TMEM217B: variants seen among roughly 807,000 people sequenced by gnomAD.
TMEM217B encodes transmembrane protein 217B.
chr6:37,225,805 G>A, the TMEM217B span, among the ~76,000 whole-genome samples: 35 of 152,264 alleles, frequency 2.3e-4, no homozygotes, highest in East Asian at 6.0e-3. Flanking sequence ...CATGACCAAC[G>A]GGATGCAAAT....
At chr6:37,229,631 C>T in the TMEM217B span, among the ~76,000 whole-genome samples, 7 of 152,210 alleles carry the variant, frequency 4.6e-5, no homozygotes, top group East Asian at 7.7e-4. Context: ...CGTGAGCCAC[C>T]GCGCCGGCCA....
chr6:37,254,552 G>T, the TMEM217B span, among the ~76,000 whole-genome samples: 1 of 152,314 alleles, frequency 6.6e-6, no homozygotes, highest in East Asian at 1.9e-4. Context: ...CAAGGATGTA[G>T]AGTCATTGGT....
the TMEM217B span, among the ~76,000 whole-genome samples, chr6:37,247,442 C>T: frequency 2.2e-4 from 32 of 148,058 alleles, no homozygotes; most frequent in Non-Finnish European, 4.2e-4. Flanking sequence ...GGCTGGAGTG[C>T]GGTGACGCGA....
At chr6:37,222,863 C>T in the TMEM217B span, among the ~76,000 whole-genome samples, 2 of 152,330 alleles carry the variant, frequency 1.3e-5, no homozygotes, top group African/African-American at 4.8e-5. Flanking sequence ...ACCCTAGCCG[C>T]GCCTCCCTGC....
chr6:37,245,821 G>C, the TMEM217B span, among the ~76,000 whole-genome samples: 9,479 of 150,278 alleles, frequency 0.063, 995 homozygotes, highest in African/African-American at 0.22. Context: ...TTTTTTGAGA[G>C]GGAGTTTTGC....
At chr6:37,252,579 G>A in the TMEM217B span, among the ~76,000 whole-genome samples, 11 of 92,198 alleles carry the variant, frequency 1.2e-4, no homozygotes, top group Admixed American at 4.9e-4. Context: ...GTGTGTGCAC[G>A]TGTACGTGTA....
the TMEM217B span, among the ~76,000 whole-genome samples, chr6:37,231,209 G>T: frequency 6.8e-6 from 1 of 147,534 alleles, no homozygotes; most frequent in African/African-American, 2.5e-5. Context: ...ACAGGTGCAA[G>T]CCACCATGCC....
the TMEM217B span, among the ~76,000 whole-genome samples, chr6:37,241,633 T>A: frequency 6.6e-6 from 1 of 152,202 alleles, no homozygotes; most frequent in Admixed American, 6.5e-5. Context: ...TTCTGGGTCA[T>A]CCCTGGGAGC....
chr6:37,216,379 C>T, the TMEM217B span, among the ~76,000 whole-genome samples: 4 of 152,014 alleles, frequency 2.6e-5, no homozygotes, highest in South Asian at 2.1e-4. Context: ...GCGCCTGGCC[C>T]GATTTGCATT....
chr6:37,222,333 C>G, the TMEM217B span, among the ~76,000 whole-genome samples: 1 of 152,198 alleles, frequency 6.6e-6, no homozygotes, highest in Non-Finnish European at 1.5e-5. Flanking sequence ...CCCCAGGGCT[C>G]GACCCCAACC....
At chr6:37,256,151 C>T in the TMEM217B span, among the ~76,000 whole-genome samples, 1 of 152,204 alleles carries the variant, frequency 6.6e-6, no homozygotes, top group Non-Finnish European at 1.5e-5. Context: ...TGGAAAGTGG[C>T]AGGTATCTTG....
the TMEM217B span, among the ~76,000 whole-genome samples, chr6:37,251,211 C>T: frequency 3.3e-5 from 5 of 152,166 alleles, no homozygotes; most frequent in African/African-American, 7.2e-5. Flanking sequence ...TCATGTCAGA[C>T]AGGTAATGTG....
At chr6:37,242,524 G>T in the TMEM217B span, among the ~76,000 whole-genome samples, 2 of 152,290 alleles carry the variant, frequency 1.3e-5, no homozygotes, top group South Asian at 4.1e-4. Flanking sequence ...AAAGAGAAAA[G>T]CCTGTCATGC....
At chr6:37,229,335 G>GTTTC in the TMEM217B span, among the ~76,000 whole-genome samples, 2 of 74,368 alleles carry the variant, frequency 2.7e-5, 1 homozygote, top group Non-Finnish European at 4.7e-5. Context: ...GCAACTTTCA[G>GTTTC]TTTTTTTTTT....
chr6:37,258,111 G>A, the TMEM217B span: 1 of 982,728 alleles, frequency 1.0e-6, no homozygotes, highest in Non-Finnish European at 1.5e-6. Context: ...GTGGCGGCAG[G>A]GCAGCTGTCA....
the TMEM217B span, chr6:37,212,645 C>T: frequency 9.2e-6 from 5 of 543,712 alleles, no homozygotes; most frequent in Admixed American, 2.2e-5. Flanking sequence ...TTGATGATCC[C>T]GTTGAGGAGC....
the TMEM217B span, among the ~76,000 whole-genome samples, chr6:37,254,320 C>A: frequency 0.18 from 27,896 of 152,058 alleles, 2,734 homozygotes; most frequent in Non-Finnish European, 0.21. Context: ...CCTCTAAGGA[C>A]CCCTTGGGAA....
chr6:37,242,533 G>A, the TMEM217B span, among the ~76,000 whole-genome samples: 1 of 152,198 alleles, frequency 6.6e-6, no homozygotes, highest in Non-Finnish European at 1.5e-5. Context: ...AGCCTGTCAT[G>A]CTTTGGTGGT....
the TMEM217B span, among the ~76,000 whole-genome samples, chr6:37,241,671 T>C: frequency 4.9e-3 from 740 of 152,326 alleles, 9 homozygotes; most frequent in African/African-American, 0.017. Context: ...ATAAGAGAGA[T>C]TGAATTTTTT....
Sources: gnomAD v4.1 joint callset for allele counts (sites outside exome capture counted in the v4.1 genomes callset) on GRCh38, gnomAD v4.1.1 for gene constraint, MANE v1.5 for transcripts, NCBI Gene and HGNC (gene_info 2026-07-23, HGNC 2026-07-21) for gene names.